KIAA0513: variants seen among roughly 807,000 people sequenced by gnomAD.
The protein encoded by KIAA0513 is KIAA0513.
A neutral mutation model predicts 56.5 loss-of-function variants in KIAA0513; 39 were observed. The observed-to-expected ratio is 0.69, with a 90% CI of 0.53 to 0.90. The LOEUF is 0.90. Ranked by LOEUF, KIAA0513 falls within the 40% of genes least tolerant of loss-of-function variation. The probability of loss-of-function intolerance (pLI) is 0.00; values close to 1 mark genes in which losing one functional copy is unlikely to be tolerated. For missense variants in KIAA0513, 591 were observed against 535.2 expected (o/e 1.10, Z -1.03); for synonymous variants, 268 against 215.6 (o/e 1.24, Z -2.13).
intron 1 of KIAA0513, among the ~76,000 whole-genome samples, chr16:85,034,692 T>G (rs1471994096): frequency 2.6e-5 from 4 of 152,222 alleles, no homozygotes; most frequent in Non-Finnish European, 5.9e-5. Flanking sequence ...GGGTTTCCTC[T>G]GTCCACGCCC....
chr16:85,086,810 G>A (rs2073814891), intron 11 of KIAA0513, 86 bp downstream of exon 11: 1 of 1,241,520 alleles, frequency 8.1e-7, no homozygotes, highest in Non-Finnish European at 1.1e-6. Context: ...ACCCTGGGGT[G>A]TGATGTCAGC....
At chr16:85,088,192 G>A (rs574258985) in intron 12 of KIAA0513, 84 bp from the exon 13 acceptor site, 47 of 1,318,390 alleles carry the variant, frequency 3.6e-5, no homozygotes, top group South Asian at 3.1e-4. Context: ...GGCCCGATTC[G>A]TCCCTGTCCG....
At chr16:85,056,930 C>G (rs889595052) in intron 1 of KIAA0513, among the ~76,000 whole-genome samples, 2 of 151,998 alleles carry the variant, frequency 1.3e-5, no homozygotes, top group South Asian at 2.1e-4. Context: ...GTCATGAACT[C>G]CTGGCTTCAA....
Position 85,071,780 on chromosome 16 carries a change from T to TTTTTG in KIAA0513, c.330-3_330-2insTTTTG. The TTTTTG allele has an allele frequency of 6.4e-7, 1 of 1,567,882 alleles. No homozygotes were observed. ...TTCCTCTGCTCTTTTTTTTTTTTTTTAGGGAGGACTTGGATCAGGAGGAGA... is the reference window on the plus strand; with the variant it reads ...TTCCTCTGCTCTTTTTTTTTTTTTTTTTTTGAGGGAGGACTTGGATCAGGAGGAGA... On this transcript the variant is annotated splice_polypyrimidine_tract_variant and splice_region_variant and intron_variant, in intron 2 of 12. Coordinates refer to ENST00000683363, the MANE Select transcript of KIAA0513 (RefSeq NM_001388359.1).
At chr16:85,084,750 A>G (rs1311475696) in intron 10 of KIAA0513, among the ~76,000 whole-genome samples, 1 of 150,818 alleles carries the variant, frequency 6.6e-6, no homozygotes, top group African/African-American at 2.4e-5. Context: ...TTTTTAGTAG[A>G]GACAGAGTTG....
intron 1 of KIAA0513, among the ~76,000 whole-genome samples, chr16:85,051,598 A>G (rs1319488017): frequency 2.6e-5 from 4 of 152,150 alleles, no homozygotes; most frequent in Non-Finnish European, 4.4e-5. Context: ...CTTCTGAGCC[A>G]CATAGAATCA....
intron 10 of KIAA0513, 36 bp from the exon 11 acceptor site, chr16:85,086,608 T>A (rs779218174): frequency 6.3e-7 from 1 of 1,598,192 alleles, no homozygotes; most frequent in East Asian, 2.3e-5. Context: ...GACAGCACCA[T>A]CTGAGCCCCG....
intron 1 of KIAA0513, among the ~76,000 whole-genome samples, chr16:85,053,739 T>C (rs528675531): frequency 8.5e-5 from 13 of 152,188 alleles, no homozygotes; most frequent in African/African-American, 3.1e-4. Flanking sequence ...ACGCCTATAA[T>C]CCCAGCACTT....
At chr16:85,078,788 A>T in intron 7 of KIAA0513, 137 bp from the exon 8 acceptor site, 1 of 924,610 alleles carries the variant, frequency 1.1e-6, no homozygotes, top group Non-Finnish European at 1.7e-6. Flanking sequence ...GCTAGCAGAA[A>T]AGCCACGGTG....
At chr16:85,055,303 A>G (rs767442557) in intron 1 of KIAA0513, among the ~76,000 whole-genome samples, 1 of 152,192 alleles carries the variant, frequency 6.6e-6, no homozygotes, top group Non-Finnish European at 1.5e-5. Context: ...AGACAGTACC[A>G]TGATGGGCTG....
intron 7 of KIAA0513, 118 bp from the exon 8 acceptor site, chr16:85,078,807 A>AG: frequency 1.8e-6 from 2 of 1,106,382 alleles, no homozygotes; most frequent in Non-Finnish European, 2.7e-6. Context: ...TGGGGTTTGC[A>AG]TCACGTGTTT....
chr16:85,061,208 A>G (rs1349149570), intron 1 of KIAA0513, among the ~76,000 whole-genome samples: 1 of 152,156 alleles, frequency 6.6e-6, no homozygotes, highest in Non-Finnish European at 1.5e-5. Context: ...CCAAGTATAT[A>G]TTGCTGCAGA....
In KIAA0513 at chr16:85,078,413, A is replaced by G; in HGVS notation, c.783-2A>G. ...GTCATCATTGTGCCTTCTCTCCCTC[A>G]GGGAAGACGAGAACAAACCCCAGGA... On this transcript the variant is annotated splice_acceptor_variant, in intron 6 of 12. Transcript: ENST00000683363. LOFTEE classifies it high-confidence loss of function. 1.2e-6 allele frequency: 2 copies of G among 1,614,016 alleles called. No homozygotes were observed. The highest frequency in any genetic ancestry group is 1.7e-6 in the Non-Finnish European group (2 of 1,179,998).
chr16:85,073,577 A>T (rs920693889), intron 4 of KIAA0513, among the ~76,000 whole-genome samples: 1 of 152,204 alleles, frequency 6.6e-6, no homozygotes, highest in Non-Finnish European at 1.5e-5. Context: ...CCCATGAGGC[A>T]TAGACCCTCT....
chr16:85,060,032 C>A (rs62049882), intron 1 of KIAA0513, among the ~76,000 whole-genome samples: 12,782 of 152,270 alleles, frequency 0.084, 1,734 homozygotes, highest in African/African-American at 0.28. Flanking sequence ...GCTATCTTGG[C>A]TCACTGCAAC....
chr16:85,081,522 T>A lies in KIAA0513; in HGVS notation c.980+130T>A, dbSNP rs938356869. The A allele has an allele frequency of 2.4e-6, 2 of 821,350 alleles. No homozygotes were observed. Among genetic ancestry groups the A allele is most frequent in the African/African-American group, 3.4e-5 (2 of 58,982 alleles). The allele number at this position is 821,350 out of a possible 1,614,324, so 50.9% of individuals were successfully genotyped here. On this transcript the variant is annotated intron_variant, in intron 9 of 12. Coordinates refer to ENST00000683363, the MANE Select transcript of KIAA0513 (RefSeq NM_001388359.1). This position sits in a 1 kb window ranked among gnomAD's most constrained non-coding sequence, Gnocchi z 4.4. Reference sequence around the variant, plus strand: ...TGTCTGTTTTTTCTTCACCCCCTCATGGCCCTGGTGCCTCGCAAGCTGCCT... The same window carrying A: ...TGTCTGTTTTTTCTTCACCCCCTCAAGGCCCTGGTGCCTCGCAAGCTGCCT...
chr16:85,049,295 T>G (rs1434463706), intron 1 of KIAA0513, among the ~76,000 whole-genome samples: 2 of 152,212 alleles, frequency 1.3e-5, no homozygotes, highest in Non-Finnish European at 2.9e-5. Context: ...GGCATGGATG[T>G]CCTCAGTGCA....
chr16:85,089,037 C>CA lies in KIAA0513; in HGVS notation c.*713dup, dbSNP rs1398792526. ...GAGCTGTGTGTCTCCGCCAGAGTCA[C>CA]AGCAGTGCCGAGGTGTCCGCGGCAG... On this transcript the variant is annotated 3_prime_UTR_variant, in exon 13 of 13. Coordinates refer to ENST00000683363, the MANE Select transcript of KIAA0513 (RefSeq NM_001388359.1). The surrounding 1 kb of genome is among the most constrained non-coding windows in gnomAD (Gnocchi z 4.2). 1 of 152,330 alleles carries CA rather than the reference C, an allele frequency of 6.6e-6. No homozygotes were observed. The highest frequency in any genetic ancestry group is 1.5e-5 in the Non-Finnish European group (1 of 68,124). 9.4% of individuals were successfully genotyped at this position (152,330 alleles called of 1,614,324 possible).
intron 1 of KIAA0513, among the ~76,000 whole-genome samples, chr16:85,049,702 G>A (rs11149706): frequency 0.37 from 56,759 of 151,988 alleles, 11,370 homozygotes; most frequent in African/African-American, 0.51. Flanking sequence ...GAAGTCAAGC[G>A]GATGCCAGCA....
Sources: allele counts gnomAD v4.1 joint callset (sites outside exome capture counted in the v4.1 genomes callset), GRCh38; gene constraint gnomAD v4.1.1; non-coding constraint Gnocchi (gnomAD v3.1); transcripts MANE v1.5; gene names NCBI Gene and HGNC (gene_info 2026-07-23, HGNC 2026-07-21).